Variants in CACNA1D observed in about 807,000 individuals in gnomAD.
CACNA1D encodes the protein calcium voltage-gated channel subunit alpha1 D, also known as voltage-dependent L-type calcium channel subunit alpha-1D.
In CACNA1D, 55 loss-of-function variants were observed where a neutral mutation model predicts 257.1. The ratio of observed to expected loss-of-function variants is 0.21; its 90% CI spans 0.17 to 0.27. CACNA1D has a LOEUF of 0.27. Among genes scored for constraint, CACNA1D ranks in the 10% least tolerant of loss-of-function variants. The pLI, the probability that CACNA1D is intolerant of heterozygous loss-of-function variation, is 1.00. For missense variants in CACNA1D, 1,876 were observed against 2,784.0 expected (o/e 0.67, Z 7.34); for synonymous variants, 980 against 1,014.9 (o/e 0.97, Z 0.65).
chr3:53,606,724 T>C (rs974944579), intron 3 of CACNA1D, among the ~76,000 whole-genome samples: 1 of 152,252 alleles, frequency 6.6e-6, no homozygotes, highest in Admixed American at 6.5e-5. Flanking sequence ...TACAGATGGA[T>C]GTTTTGATAA....
chr3:53,739,000 C>A (rs1453325053), intron 20 of CACNA1D, among the ~76,000 whole-genome samples: 1 of 152,128 alleles, frequency 6.6e-6, no homozygotes, highest in Admixed American at 6.5e-5. Flanking sequence ...CTCCATTACA[C>A]AGAAGTGGTC....
chr3:53,726,970 A>G lies in CACNA1D; in HGVS notation c.2192A>G (p.Tyr731Cys). Residue 731 changes from tyrosine (Y) to cysteine (C), a missense_variant, in exon 15 of 48, where the codon TAC becomes TGC. Transcript: ENST00000350061. ...TCTTCAGGAATGATCGTCTGCATCTACTTCATCATCCTCTTCATTTGTGGT... is the reference window on the plus strand; with the variant it reads ...TCTTCAGGAATGATCGTCTGCATCTGCTTCATCATCCTCTTCATTTGTGGT... ...PSSSGMIVCI[Y>C]FIILFICGNY... 1 of 1,613,854 alleles carries G rather than the reference A, an allele frequency of 6.2e-7. No individual in the cohort carries two copies. Among genetic ancestry groups the G allele is most frequent in the Non-Finnish European group, 8.5e-7 (1 of 1,179,730 alleles).
intron 3 of CACNA1D, among the ~76,000 whole-genome samples, chr3:53,608,559 T>A: frequency 6.6e-6 from 1 of 152,206 alleles, no homozygotes; most frequent in East Asian, 1.9e-4. Context: ...TTGTTTGTGA[T>A]CTTAGGGGAA....
intron 40 of CACNA1D, chr3:53,791,300 A>C: frequency 2.7e-6 from 1 of 373,702 alleles, no homozygotes; most frequent in Non-Finnish European, 4.8e-6. Context: ...TTCCCTTCCA[A>C]GCAGAGACTC....
intron 3 of CACNA1D, among the ~76,000 whole-genome samples, chr3:53,610,159 T>A (rs2093565637): frequency 6.6e-6 from 1 of 152,222 alleles, no homozygotes; most frequent in Non-Finnish European, 1.5e-5. Flanking sequence ...CAGCATATTG[T>A]CTATCTTGGT....
rs1286910075 is a variant in CACNA1D at position 53,495,898 on chromosome 3, T to G, written c.67+665T>G. ...TCTGGCCCGGGCACCACGTGCAGCTTCCACGCCGGCCGGGGCTGGGTCGAG... is the reference window on the plus strand; with the variant it reads ...TCTGGCCCGGGCACCACGTGCAGCTGCCACGCCGGCCGGGGCTGGGTCGAG... On this transcript the variant is annotated intron_variant, in intron 1 of 47. Transcript: ENST00000350061. This position sits in a 1 kb window ranked among gnomAD's most constrained non-coding sequence, Gnocchi z 5.1. Among the ~76,000 whole-genome samples the G allele has an allele frequency of 6.6e-6, 1 of 152,196 alleles. No homozygotes were observed. The highest frequency in any genetic ancestry group is 2.4e-5 in the African/African-American group (1 of 41,456).
At chr3:53,511,122 C>T (rs1308240341) in intron 3 of CACNA1D, among the ~76,000 whole-genome samples, 1 of 152,094 alleles carries the variant, frequency 6.6e-6, no homozygotes, top group African/African-American at 2.4e-5. Flanking sequence ...TCTGATGTCC[C>T]GTGTTCTTAT....
chr3:53,764,452 T>A (rs1477167870), intron 30 of CACNA1D, among the ~76,000 whole-genome samples: 2 of 152,226 alleles, frequency 1.3e-5, no homozygotes, highest in Non-Finnish European at 2.9e-5. Flanking sequence ...CAGATCTCCC[T>A]GGACTGCTCA....
chr3:53,754,583 G>C (rs575962661), intron 29 of CACNA1D, among the ~76,000 whole-genome samples: 1 of 152,208 alleles, frequency 6.6e-6, no homozygotes, highest in Non-Finnish European at 1.5e-5. Context: ...GGCCACTGCT[G>C]TTCCTACCCG....
intron 7 of CACNA1D, among the ~76,000 whole-genome samples, chr3:53,668,778 G>A (rs1248434453): frequency 6.6e-6 from 1 of 152,150 alleles, no homozygotes; most frequent in African/African-American, 2.4e-5. Context: ...AAGCAGCCAT[G>A]GGCAATACAT....
rs371701512 is a variant in CACNA1D at position 53,780,143 on chromosome 3, C to T, written c.4690+15C>T. ...CAAGACCGAAGGTGAGCATTCCCTG[C>T]CAGCAAGACAAGATGGCAGGAAAGG... On this transcript the variant is annotated intron_variant, in intron 38 of 47. Transcript: ENST00000350061. The T allele has an allele frequency of 1.2e-4, 185 of 1,576,740 alleles. 1 individual carries two copies. In the East Asian group the frequency reaches 2.5e-3, roughly 21 times the overall value.
chr3:53,735,606 G>T, intron 20 of CACNA1D, 103 bp downstream of exon 20: 1 of 1,301,718 alleles, frequency 7.7e-7, no homozygotes, highest in Non-Finnish European at 1.1e-6. Context: ...GTGACAGCTA[G>T]AGTAGGTCTT....
chr3:53,555,081 A>G (rs1003512569), intron 3 of CACNA1D, among the ~76,000 whole-genome samples: 2 of 152,242 alleles, frequency 1.3e-5, no homozygotes, highest in Non-Finnish European at 2.9e-5. Flanking sequence ...ATTATATTAG[A>G]GCAAAACTAT....
At chr3:53,503,687 C>T (rs905655178) in intron 3 of CACNA1D, among the ~76,000 whole-genome samples, 1 of 151,982 alleles carries the variant, frequency 6.6e-6, no homozygotes, top group African/African-American at 2.4e-5. Flanking sequence ...AAATAAAATA[C>T]AGGAAATGGA....
At position 53,659,917 on chromosome 3, in the gene CACNA1D, G is replaced by T. The variant is rs575679898; in HGVS notation, c.624-216G>T. ...GACTTGCTCTCTGTTGCTCCATTGC[G>T]GTAAAAACAGATGAGGTTAATCCCT... On this transcript the variant is annotated intron_variant, in intron 4 of 47. Coordinates refer to ENST00000350061, the MANE Select transcript of CACNA1D (RefSeq NM_001128840.3). 3.9e-5 allele frequency among the ~76,000 whole-genome samples: 6 copies of T among 152,218 alleles called. No homozygotes were observed. In the East Asian group the frequency reaches 1.2e-3, roughly 29 times the overall value.
At chr3:53,552,861 C>G (rs924224960) in intron 3 of CACNA1D, among the ~76,000 whole-genome samples, 1 of 152,206 alleles carries the variant, frequency 6.6e-6, no homozygotes, top group African/African-American at 2.4e-5. Flanking sequence ...TCCTAAACTA[C>G]AAACTTTTTC....
intron 3 of CACNA1D, among the ~76,000 whole-genome samples, chr3:53,503,463 A>G (rs1437984220): frequency 6.6e-6 from 1 of 152,250 alleles, no homozygotes. Context: ...GTGGATGGTG[A>G]CCCAGATTGT....
rs936830722 is a variant in CACNA1D at position 53,730,658 on chromosome 3, C to T, written c.2336+102C>T. On this transcript the variant is annotated intron_variant, in intron 16 of 47. Coordinates refer to ENST00000350061, the MANE Select transcript of CACNA1D (RefSeq NM_001128840.3). ...TACCCCCGCATCACGGCAGCTGCAG[C>T]CCCCGGGTTGCTGCTTTGTGGATCA... 3.8e-5 allele frequency: 33 copies of T among 878,376 alleles called. 1 individual carries two copies. Among genetic ancestry groups the T allele is most frequent in the Admixed American group, 3.6e-4 (18 of 50,626 alleles). 54.4% of individuals were successfully genotyped at this position (878,376 alleles called of 1,614,324 possible). A position where few individuals can be genotyped will look rare whatever the true frequency, so the allele number is the denominator to read the frequency against.
chr3:53,773,630 A>G (rs56227565), intron 33 of CACNA1D: 10,751 of 151,852 alleles, frequency 0.071, 1,137 homozygotes, highest in African/African-American at 0.23. Flanking sequence ...AAGTGATTCT[A>G]TGATTTTTGG....
Sources: allele counts gnomAD v4.1 joint callset (sites outside exome capture counted in the v4.1 genomes callset), GRCh38; gene constraint gnomAD v4.1.1; non-coding constraint Gnocchi (gnomAD v3.1); transcripts MANE v1.5; gene names NCBI Gene and HGNC (gene_info 2026-07-23, HGNC 2026-07-21).